The following TAS2R41 variants were observed in gnomAD, a reference collection of about 807,000 sequenced individuals.
TAS2R41 encodes taste receptor type 2 member 41.
A neutral mutation model predicts 25.1 loss-of-function variants in TAS2R41; 33 were observed. The ratio of observed to expected loss-of-function variants is 1.31; its 90% CI spans 1.00 to 1.76. TAS2R41 has a LOEUF of 1.76. Ranked by LOEUF, TAS2R41 falls within the 40% of genes most tolerant of loss-of-function variation. The pLI is 0.00. For synonymous variants in TAS2R41, 151 were observed against 151.6 expected (o/e 1.00, Z 0.03); for missense variants, 319 against 359.4 (o/e 0.89, Z 0.91).
chr7:143,478,190 G>T lies in TAS2R41; in HGVS notation c.318G>T (p.Leu106=), dbSNP rs769289974. 1.2e-6 allele frequency: 2 copies of T among 1,613,988 alleles called. No homozygotes were observed. The highest frequency in any genetic ancestry group is 2.7e-5 in the African/African-American group (2 of 74,914). ...TFWFCSWLSV[L]FCVKIANITH... is the part of the protein sequence containing the mutation. ...GGTTTTGCAGCTGGCTCAGTGTCCT[G>T]TTCTGTGTGAAGATTGCTAACATCA... The change falls in exon 1 of 1, where the codon CTG becomes CTT. Residue 106 remains leucine, a synonymous_variant. Coordinates refer to ENST00000408916, the MANE Select transcript of TAS2R41 (RefSeq NM_176883.2).
Position 143,477,959 on chromosome 7 carries a change from G to A in TAS2R41, c.87G>A (p.Leu29=). The change falls in exon 1 of 1, where the codon CTG becomes CTA. Residue 29 remains leucine (L), a synonymous_variant. Coordinates refer to ENST00000408916, the MANE Select transcript of TAS2R41 (RefSeq NM_176883.2). The surrounding 1 kb of genome is among the most constrained non-coding windows in gnomAD (Gnocchi z 4.0). ...TTGCAGCGAATGGCTTCATTGTGCT[G>A]GTGCTGGGCAGGGAGTGGCTGCGAT... ...LGIAANGFIV[L]VLGREWLRYG... is the part of the protein sequence containing the mutation. 6.2e-7 allele frequency: 1 copy of A among 1,614,130 alleles called. No individual in the cohort carries two copies. Among genetic ancestry groups the A allele is most frequent in the Non-Finnish European group, 8.5e-7 (1 of 1,180,036 alleles).
chr7:143,477,955 T>C lies in TAS2R41; in HGVS notation c.83T>C (p.Val28Ala), dbSNP rs777709314. Residue 28 changes from valine to alanine, a missense_variant, in exon 1 of 1, where the codon GTG becomes GCG. Val to Ala is a moderately conservative substitution (Grantham distance 64). Transcript: ENST00000408916. This position sits in a 1 kb window ranked among gnomAD's most constrained non-coding sequence, Gnocchi z 4.0. ...LLGIAANGFI[V>A]LVLGREWLRY... ...GGGATTGCAGCGAATGGCTTCATTG[T>C]GCTGGTGCTGGGCAGGGAGTGGCTG... 1.2e-6 allele frequency: 2 copies of C among 1,614,116 alleles called. No individual in the cohort carries two copies. Among genetic ancestry groups the C allele is most frequent in the Admixed American group, 1.7e-5 (1 of 60,006 alleles).
chr7:143,478,551 C>A lies in TAS2R41; in HGVS notation c.679C>A (p.Gln227Lys), dbSNP rs373622813. The A allele has an allele frequency of 6.2e-7, 1 of 1,614,030 alleles. No homozygotes were observed. The highest frequency in any genetic ancestry group is 1.1e-5 in the South Asian group (1 of 91,078). ...NGHSLQDPST[Q>K]AHTRALKSLI... is the part of the protein sequence containing the mutation. ...GCACAGCCTGCAGGACCCCAGCACC[C>A]AGGCTCACACCAGAGCTCTGAAGTC... Residue 227 changes from glutamine to lysine, a missense_variant, in exon 1 of 1, where the codon CAG (glutamine) becomes AAG (lysine). By Grantham distance (53) the Gln-to-Lys change is moderately conservative. Coordinates refer to ENST00000408916, the MANE Select transcript of TAS2R41 (RefSeq NM_176883.2).
Position 143,478,675 on chromosome 7 carries a change from G to A in TAS2R41, c.803G>A (p.Trp268Ter), listed in dbSNP as rs1285119410. Reference sequence around the variant, plus strand: ...ATGCAGAACGACTTTTACTGGCCATGGCAAATTGCAGTCTACCTGTGCATA... The same window carrying A: ...ATGCAGAACGACTTTTACTGGCCATAGCAAATTGCAGTCTACCTGTGCATA... ...ISMQNDFYWP[W>*]QIAVYLCISV... Residue 268 changes from tryptophan to a stop codon, truncating the protein, a stop_gained, in exon 1 of 1, where the codon TGG becomes TAG. Transcript: ENST00000408916. LOFTEE classifies it high-confidence loss of function. 1 of 1,614,066 alleles carries A rather than the reference G, an allele frequency of 6.2e-7. No homozygotes were observed. The highest frequency in any genetic ancestry group is 1.7e-5 in the Admixed American group (1 of 60,024).
At position 143,478,639 on chromosome 7, in the gene TAS2R41, A is replaced by C; in HGVS notation, c.767A>C (p.Lys256Thr). ...CTGTCCCTGATCATTGATGCCGCAA[A>C]ATTTATCTCCATGCAGAACGACTTT... Reference protein sequence around the residue: ...SFLSLIIDAAKFISMQNDFYW... With the variant: ...SFLSLIIDAATFISMQNDFYW... Residue 256 changes from lysine to threonine, a missense_variant, in exon 1 of 1, where the codon AAA (lysine) becomes ACA (threonine). Transcript: ENST00000408916. The C allele has an allele frequency of 1.2e-6, 2 of 1,613,904 alleles. No individual in the cohort carries two copies. Among genetic ancestry groups the C allele is most frequent in the South Asian group, 1.1e-5 (1 of 91,052 alleles).
In TAS2R41 at chr7:143,478,561, C is replaced by T. The variant is rs1403438709; in HGVS notation, c.689C>T (p.Thr230Ile). The T allele has an allele frequency of 1.2e-6, 2 of 1,614,128 alleles. No individual in the cohort carries two copies. The highest frequency in any genetic ancestry group is 1.7e-6 in the Non-Finnish European group (2 of 1,180,030). Residue 230 changes from threonine (T) to isoleucine (I), a missense_variant, in exon 1 of 1, where the codon ACC (threonine) becomes ATC (isoleucine). Physicochemically the swap from Thr to Ile is moderately conservative, Grantham distance 89 (BLOSUM62 -1). Coordinates refer to ENST00000408916, the MANE Select transcript of TAS2R41 (RefSeq NM_176883.2). ...CAGGACCCCAGCACCCAGGCTCACACCAGAGCTCTGAAGTCCCTCATCTCC... is the reference window on the plus strand; with the variant it reads ...CAGGACCCCAGCACCCAGGCTCACATCAGAGCTCTGAAGTCCCTCATCTCC... ...SLQDPSTQAH[T>I]RALKSLISFL...
At position 143,478,464 on chromosome 7, in the gene TAS2R41, G is replaced by A. The variant is rs762066369; in HGVS notation, c.592G>A (p.Val198Ile). 3 of 1,613,924 alleles carry A rather than the reference G, an allele frequency of 1.9e-6. 1 individual carries two copies. The South Asian group carries it at 3.3e-5, about 18-fold the overall frequency. ...IWSIPFSVFL[V>I]SIMLLINSLR... ...GTCAATTCCTTTTTCTGTTTTTCTG[G>A]TCTCAATTATGCTGTTAATTAATTC... The change falls in exon 1 of 1, where the codon GTC becomes ATC. Residue 198 changes from valine to isoleucine, a missense_variant. Physicochemically the swap from Val to Ile is conservative, Grantham distance 29. Coordinates refer to ENST00000408916, the MANE Select transcript of TAS2R41 (RefSeq NM_176883.2).
rs1807069487 is a variant in TAS2R41 at position 143,478,275 on chromosome 7, T to G, written c.403T>G (p.Leu135Val). Reference protein sequence around the residue: ...RFPGWVPWLLLGSVLISFIIT... With the variant: ...RFPGWVPWLLVGSVLISFIIT... ...CCCAGGGTGGGTGCCCTGGCTCCTGTTGGGCTCTGTCCTGATCTCCTTCAT... is the reference window on the plus strand; with the variant it reads ...CCCAGGGTGGGTGCCCTGGCTCCTGGTGGGCTCTGTCCTGATCTCCTTCAT... The change falls in exon 1 of 1, where the codon TTG becomes GTG. Residue 135 changes from leucine (L) to valine (V), a missense_variant. By Grantham distance (32) the Leu-to-Val change is conservative (BLOSUM62 1). Coordinates refer to ENST00000408916, the MANE Select transcript of TAS2R41 (RefSeq NM_176883.2). 6.2e-7 allele frequency: 1 copy of G among 1,614,112 alleles called. No individual in the cohort carries two copies. The highest frequency in any genetic ancestry group is 1.3e-5 in the African/African-American group (1 of 75,020).
rs974659120 is a variant in TAS2R41, at chr7:143,477,917, G to A, written c.45G>A (p.Leu15=). The change falls in exon 1 of 1, where the codon CTG becomes CTA. Residue 15 remains leucine (L), a synonymous_variant. Coordinates refer to ENST00000408916, the MANE Select transcript of TAS2R41 (RefSeq NM_176883.2). The surrounding 1 kb of genome is among the most constrained non-coding windows in gnomAD (Gnocchi z 4.0). ...LTAFFVLLFS[L]LSLLGIAANG... Reference sequence around the variant, plus strand: ...CCTTCTTCGTGTTGCTCTTTAGCCTGCTGAGTCTTCTGGGGATTGCAGCGA... The same window carrying A: ...CCTTCTTCGTGTTGCTCTTTAGCCTACTGAGTCTTCTGGGGATTGCAGCGA... 3.7e-6 allele frequency: 6 copies of A among 1,614,156 alleles called. No homozygotes were observed. Among genetic ancestry groups the A allele is most frequent in the Non-Finnish European group, 5.1e-6 (6 of 1,180,032 alleles).
At position 143,478,325 on chromosome 7, in the gene TAS2R41, G is replaced by A; in HGVS notation, c.453G>A (p.Val151=). The A allele has an allele frequency of 6.2e-7, 1 of 1,613,968 alleles. No individual in the cohort carries two copies. The highest frequency in any genetic ancestry group is 8.5e-7 in the Non-Finnish European group (1 of 1,180,008). ...TCATAACCCTGCTGTTTTTTTGGGT[G>A]AACTACCCTGTATATCAAGAATTTT... ...SFIITLLFFW[V]NYPVYQEFLI... Residue 151 remains valine (V), a synonymous_variant, in exon 1 of 1, where the codon GTG becomes GTA. Transcript: ENST00000408916.
In TAS2R41 at chr7:143,478,091, G is replaced by T; in HGVS notation, c.219G>T (p.Lys73Asn). The stretch of plus-strand genomic sequence containing the variant: ...ACAACTTCTACTACTCTGCCCAGAA[G>T]GTCGAGTACTCTGGGGGTCTCGGCC... The part of the protein sequence containing the change: ...TVHNFYYSAQ[K>N]VEYSGGLGRQ... Residue 73 changes from lysine (K) to asparagine (N), a missense_variant, in exon 1 of 1, where the codon AAG becomes AAT. Coordinates refer to ENST00000408916, the MANE Select transcript of TAS2R41 (RefSeq NM_176883.2). The T allele has an allele frequency of 1.2e-6, 2 of 1,614,100 alleles. No individual in the cohort carries two copies. The highest frequency in any genetic ancestry group is 2.2e-5 in the South Asian group (2 of 91,076).
At position 143,478,360 on chromosome 7, in the gene TAS2R41, A is replaced by C. The variant is rs751801832; in HGVS notation, c.488A>C (p.Lys163Thr). The part of the protein sequence containing the change: ...YPVYQEFLIR[K>T]FSGNMTYKWN... ...GTATATCAAGAATTTTTAATTAGAA[A>C]ATTTTCTGGGAACATGACCTACAAG... is the stretch of plus-strand genomic sequence containing the variant. The change falls in exon 1 of 1, where the codon AAA becomes ACA. Residue 163 changes from lysine (K) to threonine (T), a missense_variant. Transcript: ENST00000408916. 1.2e-6 allele frequency: 2 copies of C among 1,613,884 alleles called. No individual in the cohort carries two copies. Among genetic ancestry groups the C allele is most frequent in the Admixed American group, 3.3e-5 (2 of 59,986 alleles).
In TAS2R41 at chr7:143,477,978, C is replaced by T. The variant is rs774828663; in HGVS notation, c.106C>T (p.Leu36=). The change falls in exon 1 of 1, where the codon CTG becomes TTG. Residue 36 remains leucine (L), a synonymous_variant. Transcript: ENST00000408916. The surrounding 1 kb of genome is among the most constrained non-coding windows in gnomAD (Gnocchi z 4.0). The stretch of plus-strand genomic sequence containing the variant: ...TGTGCTGGTGCTGGGCAGGGAGTGG[C>T]TGCGATATGGCAGGTTGCTGCCCTT... The part of the protein sequence containing the change: ...FIVLVLGREW[L]RYGRLLPLDM... The T allele has an allele frequency of 1.9e-6, 3 of 1,613,984 alleles. No individual in the cohort carries two copies. The highest frequency in any genetic ancestry group is 2.5e-6 in the Non-Finnish European group (3 of 1,180,032).
rs1005528657 is a variant in TAS2R41, at chr7:143,478,210, A to G, written c.338A>G (p.Asn113Ser). ...LSVLFCVKIANITHSTFLWLK... is the reference protein window; with the variant it reads ...LSVLFCVKIASITHSTFLWLK... ...GTCCTGTTCTGTGTGAAGATTGCTA[A>G]CATCACACACTCCACCTTCCTGTGG... Residue 113 changes from asparagine (N) to serine (S), a missense_variant, in exon 1 of 1, where the codon AAC becomes AGC. Asn to Ser is a conservative substitution (Grantham distance 46). Transcript: ENST00000408916. The G allele has an allele frequency of 2.5e-6, 4 of 1,613,880 alleles. No homozygotes were observed. The African/African-American group carries it at 4.0e-5, about 16-fold the overall frequency.
chr7:143,478,552 A>G lies in TAS2R41; in HGVS notation c.680A>G (p.Gln227Arg), dbSNP rs1430212732. The change falls in exon 1 of 1, where the codon CAG becomes CGG. Residue 227 changes from glutamine (Q) to arginine (R), a missense_variant. Physicochemically the swap from Gln to Arg is conservative, Grantham distance 43. Coordinates refer to ENST00000408916, the MANE Select transcript of TAS2R41 (RefSeq NM_176883.2). ...CACAGCCTGCAGGACCCCAGCACCC[A>G]GGCTCACACCAGAGCTCTGAAGTCC... Reference protein sequence around the residue: ...NGHSLQDPSTQAHTRALKSLI... With the variant: ...NGHSLQDPSTRAHTRALKSLI... 1.2e-6 allele frequency: 2 copies of G among 1,614,106 alleles called. No individual in the cohort carries two copies. The highest frequency in any genetic ancestry group is 2.2e-5 in the East Asian group (1 of 44,866).
chr7:143,478,407 T>C lies in TAS2R41; in HGVS notation c.535T>C (p.Tyr179His). Reference sequence around the variant, plus strand: ...CAAGTGGAATACAAGGATAGAAACATACTATTTCCCATCCCTGAAACTGGT... The same window carrying C: ...CAAGTGGAATACAAGGATAGAAACACACTATTTCCCATCCCTGAAACTGGT... The part of the protein sequence containing the change: ...TYKWNTRIET[Y>H]YFPSLKLVIW... Residue 179 changes from tyrosine to histidine, a missense_variant, in exon 1 of 1, where the codon TAC becomes CAC. By Grantham distance (83) the Tyr-to-His change is moderately conservative. Coordinates refer to ENST00000408916, the MANE Select transcript of TAS2R41 (RefSeq NM_176883.2). 6.2e-7 allele frequency: 1 copy of C among 1,614,142 alleles called. No individual in the cohort carries two copies.
chr7:143,478,431 G>A lies in TAS2R41; in HGVS notation c.559G>A (p.Val187Ile), dbSNP rs1194587975. Residue 187 changes from valine (V) to isoleucine (I), a missense_variant, in exon 1 of 1, where the codon GTC (valine) becomes ATC (isoleucine). Physicochemically the swap from Val to Ile is conservative, Grantham distance 29. Coordinates refer to ENST00000408916, the MANE Select transcript of TAS2R41 (RefSeq NM_176883.2). ...ETYYFPSLKLVIWSIPFSVFL... is the reference protein window; with the variant it reads ...ETYYFPSLKLIIWSIPFSVFL... ...ATACTATTTCCCATCCCTGAAACTG[G>A]TCATCTGGTCAATTCCTTTTTCTGT... 6.2e-7 allele frequency: 1 copy of A among 1,614,068 alleles called. No homozygotes were observed. Among genetic ancestry groups the A allele is most frequent in the Admixed American group, 1.7e-5 (1 of 60,020 alleles).
rs750163018 is a variant in TAS2R41 at position 143,478,727 on chromosome 7, C to T, written c.855C>T (p.Phe285=). 1.9e-6 allele frequency: 3 copies of T among 1,614,158 alleles called. No homozygotes were observed. Among genetic ancestry groups the T allele is most frequent in the Non-Finnish European group, 2.5e-6 (3 of 1,180,034 alleles). ...CISVHPFILI[F]SNLKLRSVFS... ...CTGTCCATCCCTTCATCCTCATCTT[C>T]AGCAACCTCAAGCTTCGAAGCGTGT... is the stretch of plus-strand genomic sequence containing the variant. The change falls in exon 1 of 1, where the codon TTC becomes TTT. Residue 285 remains phenylalanine, a synonymous_variant. Coordinates refer to ENST00000408916, the MANE Select transcript of TAS2R41 (RefSeq NM_176883.2).
Position 143,478,545 on chromosome 7 carries a change from A to G in TAS2R41, c.673A>G (p.Ser225Gly), listed in dbSNP as rs1372078364. Residue 225 changes from serine to glycine, a missense_variant, in exon 1 of 1, where the codon AGC (serine) becomes GGC (glycine). Transcript: ENST00000408916. ...CAACGGGCACAGCCTGCAGGACCCC[A>G]GCACCCAGGCTCACACCAGAGCTCT... ...QHNGHSLQDPSTQAHTRALKS... is the reference protein window; with the variant it reads ...QHNGHSLQDPGTQAHTRALKS... The G allele has an allele frequency of 6.2e-7, 1 of 1,613,998 alleles. No individual in the cohort carries two copies. Among genetic ancestry groups the G allele is most frequent in the African/African-American group, 1.3e-5 (1 of 74,908 alleles).
Sources: gnomAD v4.1 joint callset for allele counts on GRCh38, gnomAD v4.1.1 for gene constraint, Gnocchi (gnomAD v3.1) non-coding constraint, MANE v1.5 for transcripts, NCBI Gene and HGNC (gene_info 2026-07-23, HGNC 2026-07-21) for gene names.